The following EVA1A variants were observed in gnomAD, a reference collection of about 807,000 sequenced individuals.
The protein encoded by EVA1A is eva-1 homolog A, regulator of programmed cell death.
In EVA1A, 7 loss-of-function variants were observed where a neutral mutation model predicts 9.8. The ratio of observed to expected loss-of-function variants is 0.71; its 90% confidence interval spans 0.41 to 1.34. EVA1A has a LOEUF of 1.34. Among genes scored for constraint, EVA1A ranks in the 40% most tolerant of loss-of-function variants. EVA1A has a pLI of 0.01. For synonymous variants in EVA1A, 90 were observed against 85.6 expected (o/e 1.05, Z -0.28); for missense variants, 206 against 205.9 (o/e 1.00, Z 0.00).
chr2:75,492,962 G>C lies in EVA1A; in HGVS notation c.*274C>G. 2.3e-6 allele frequency: 1 copy of C among 432,748 alleles called. No individual in the cohort carries two copies. The highest frequency in any genetic ancestry group is 4.7e-5 in the South Asian group (1 of 21,206). The allele number at this position is 432,748 out of a possible 1,614,324, so 26.8% of individuals were successfully genotyped here. The stretch of plus-strand genomic sequence containing the variant: ...TCCTCAGAAATCAAGAGAAACCACA[G>C]TCGCGTTTCTCCGATCTCCATCCAC... On this transcript the variant is annotated 3_prime_UTR_variant, in exon 4 of 4. Transcript: ENST00000393913.
chr2:75,497,872 A>AAAAAAGAAAAAAAAAAG (rs1674267276), intron 3 of EVA1A, among the ~76,000 whole-genome samples: 1 of 151,274 alleles, frequency 6.6e-6, no homozygotes, highest in Non-Finnish European at 1.5e-5. Context: ...AAAAAAAAAA[A>AAAAAAGAAAAAAAAAAG]AGTGGAATAT....
At chr2:75,524,904 A>G (rs4853159) in intron 1 of EVA1A, among the ~76,000 whole-genome samples, 31,186 of 151,862 alleles carry the variant, frequency 0.21, 3,332 homozygotes, top group East Asian at 0.28. Context: ...GTAGGCAGAT[A>G]GATGGATTGA....
intron 1 of EVA1A, among the ~76,000 whole-genome samples, chr2:75,560,143 A>AG (rs995753445): frequency 1.3e-5 from 2 of 152,058 alleles, no homozygotes; most frequent in African/African-American, 4.8e-5. Flanking sequence ...CTGGGACTTT[A>AG]GGGGGCGCCA....
chr2:75,505,825 T>C (rs777871996), intron 3 of EVA1A, among the ~76,000 whole-genome samples: 2 of 150,732 alleles, frequency 1.3e-5, no homozygotes, highest in Non-Finnish European at 3.0e-5. Context: ...AAAAAAAGGG[T>C]AGGGAATTTT....
rs542790233 is a variant in EVA1A at position 75,510,987 on chromosome 2, A to G, written c.85+7069T>C. 1.1e-4 allele frequency among the ~76,000 whole-genome samples: 16 copies of G among 152,342 alleles called. No individual in the cohort carries two copies. The East Asian group carries it at 2.9e-3, about 28-fold the overall frequency. On this transcript the variant is annotated intron_variant, in intron 3 of 3. Coordinates refer to ENST00000393913, the MANE Select transcript of EVA1A (RefSeq NM_001135032.2). ...TTGTCTATGTCTGCTCTCGTGCTAC[A>G]ATGCAAAGTTGAGTTGTTACAGCAG...
intron 3 of EVA1A, chr2:75,517,794 G>C: frequency 1.4e-6 from 1 of 719,200 alleles, no homozygotes; most frequent in Non-Finnish European, 2.6e-6. Flanking sequence ...AGTAGCCCTG[G>C]GCCACTTCAA....
chr2:75,569,284 A>G (rs918184923), intron 1 of EVA1A, among the ~76,000 whole-genome samples: 3 of 152,070 alleles, frequency 2.0e-5, no homozygotes, highest in Non-Finnish European at 4.4e-5. Flanking sequence ...ATCCCCTTCA[A>G]TCCTCAGCTC....
intron 3 of EVA1A, among the ~76,000 whole-genome samples, chr2:75,516,138 C>G (rs1674999507): frequency 6.6e-6 from 1 of 152,246 alleles, no homozygotes; most frequent in Non-Finnish European, 1.5e-5. Flanking sequence ...AAGATTAGGA[C>G]ATTTTCCACA....
chr2:75,501,685 A>G (rs1474270247), intron 3 of EVA1A, among the ~76,000 whole-genome samples: 1 of 152,202 alleles, frequency 6.6e-6, no homozygotes, highest in African/African-American at 2.4e-5. Context: ...GGACTGGCCC[A>G]CTTCTGCTAT....
chr2:75,543,542 C>T (rs572694184), intron 1 of EVA1A, among the ~76,000 whole-genome samples: 2 of 152,138 alleles, frequency 1.3e-5, no homozygotes, highest in Non-Finnish European at 2.9e-5. Context: ...AAAACCTTGA[C>T]CTGGAAGTCT....
At chr2:75,518,954 A>G (rs1038997622) in intron 2 of EVA1A, 24 of 758,426 alleles carry the variant, frequency 3.2e-5, no homozygotes, top group Non-Finnish European at 3.7e-5. Flanking sequence ...CTCTAGCTCC[A>G]TGACTCCACC....
In EVA1A at chr2:75,528,451, T is replaced by C. The variant is rs535070063; in HGVS notation, c.-191-5964A>G. Among the ~76,000 whole-genome samples the C allele has an allele frequency of 1.1e-3, 160 of 152,314 alleles. 3 individuals are homozygous for C. Among genetic ancestry groups the C allele is most frequent in the African/African-American group, 3.7e-3 (155 of 41,580 alleles). On this transcript the variant is annotated intron_variant, in intron 1 of 3. Transcript: ENST00000393913. ...TGTTGGCTGTTGGCAGGAGTGAGAC[T>C]GGCCTTGCTGGCTGTGTGGGAGCTG...
chr2:75,493,322 C>G lies in EVA1A; in HGVS notation c.373G>C (p.Glu125Gln). 1 of 1,614,188 alleles carries G rather than the reference C, an allele frequency of 6.2e-7. No homozygotes were observed. ...AEELERAQRL[E>Q]ERERIIREIW... ...TCCCTGATGATGCGCTCGCGCTCCT[C>G]CAGCCGCTGGGCGCGCTCCAGCTCC... Residue 125 changes from glutamate to glutamine, a missense_variant, in exon 4 of 4, where the codon GAG (glutamate) becomes CAG (glutamine). Transcript: ENST00000393913.
At chr2:75,522,558 A>T (rs1398075258) in intron 1 of EVA1A, 71 bp from the exon 2 acceptor site, 2 of 152,236 alleles carry the variant, frequency 1.3e-5, no homozygotes, top group African/African-American at 4.8e-5. Context: ...TAGACCTGGT[A>T]TGTGTGTGAA....
At chr2:75,509,793 G>T (rs991894409) in intron 3 of EVA1A, among the ~76,000 whole-genome samples, 3 of 152,052 alleles carry the variant, frequency 2.0e-5, no homozygotes, top group Non-Finnish European at 2.9e-5. Flanking sequence ...ATTAATGATT[G>T]TTAAGGGGGG....
At chr2:75,527,120 G>C (rs1358372989) in intron 1 of EVA1A, among the ~76,000 whole-genome samples, 1 of 152,126 alleles carries the variant, frequency 6.6e-6, no homozygotes, top group African/African-American at 2.4e-5. Context: ...AAAACTCTTA[G>C]ACAATAGCCA....
chr2:75,544,440 G>T (rs1676253599), intron 1 of EVA1A, among the ~76,000 whole-genome samples: 1 of 152,156 alleles, frequency 6.6e-6, no homozygotes, highest in African/African-American at 2.4e-5. Context: ...TTATTTTGAT[G>T]TTAGACTGAT....
intron 2 of EVA1A, among the ~76,000 whole-genome samples, chr2:75,522,119 T>C (rs2103858974): frequency 6.6e-6 from 1 of 152,332 alleles, no homozygotes; most frequent in East Asian, 1.9e-4. Context: ...AAAAAGATCG[T>C]ATGAATAGAT....
chr2:75,520,568 G>T (rs569874267), intron 2 of EVA1A, among the ~76,000 whole-genome samples: 1 of 152,002 alleles, frequency 6.6e-6, no homozygotes, highest in African/African-American at 2.4e-5. Flanking sequence ...AATTATTTTT[G>T]CAAGGGTGCC....
Sources: allele counts gnomAD v4.1 joint callset (sites outside exome capture counted in the v4.1 genomes callset), GRCh38; gene constraint gnomAD v4.1.1; transcripts MANE v1.5; gene names NCBI Gene and HGNC (gene_info 2026-07-23, HGNC 2026-07-21).